ITPKB: variants seen among roughly 807,000 people sequenced by gnomAD.
ITPKB encodes inositol-trisphosphate 3-kinase B.
Under a neutral mutation model 69.4 loss-of-function variants are expected in ITPKB, and 13 were observed. That is an observed-to-expected ratio of 0.19 (90% CI 0.12 to 0.30). ITPKB has a LOEUF of 0.30. Ranked by LOEUF, ITPKB falls within the 10% of genes least tolerant of loss-of-function variation. ITPKB has a pLI of 1.00. For missense variants in ITPKB, 1,240 were observed against 1,250.5 expected (o/e 0.99, Z 0.13); for synonymous variants, 584 against 513.7 (o/e 1.14, Z -1.85).
At chr1:226,713,195 C>T (rs188227263) in intron 2 of ITPKB, among the ~76,000 whole-genome samples, 21 of 152,274 alleles carry the variant, frequency 1.4e-4, no homozygotes, top group Admixed American at 2.0e-4. Flanking sequence ...TCGACCTCTT[C>T]GCATTTCTAG....
Position 226,641,821 on chromosome 1 carries a change from C to A in ITPKB, c.2451+100G>T. On this transcript the variant is annotated intron_variant, in intron 5 of 7. Coordinates refer to ENST00000429204, the MANE Select transcript of ITPKB (RefSeq NM_002221.4). This position sits in a 1 kb window ranked among gnomAD's most constrained non-coding sequence, Gnocchi z 4.6. ...GGGCCACCCACATTCTGAGCCTGTG[C>A]CTGGAGAAGCTTACAGCTTCCAAAG... is the stretch of plus-strand genomic sequence containing the variant. The A allele has an allele frequency of 1.8e-6, 2 of 1,107,214 alleles. No individual in the cohort carries two copies. The highest frequency in any genetic ancestry group is 2.6e-6 in the Non-Finnish European group (2 of 764,094). The allele number at this position is 1,107,214 out of a possible 1,614,324, so 68.6% of individuals were successfully genotyped here.
intron 2 of ITPKB, among the ~76,000 whole-genome samples, chr1:226,676,833 T>C (rs1669743356): frequency 6.6e-6 from 1 of 152,238 alleles, no homozygotes; most frequent in South Asian, 2.1e-4. Flanking sequence ...CTGAATTGGG[T>C]AGTAGGCTTT....
intron 2 of ITPKB, among the ~76,000 whole-genome samples, chr1:226,670,175 C>CAAAAAAAAAAAAAA (rs35767912): frequency 3.1e-5 from 1 of 32,006 alleles, no homozygotes; most frequent in East Asian, 7.9e-4. Context: ...AGCTCCGCCG[C>CAAAAAAAAAAAAAA]AAAAAAAAAA....
chr1:226,692,181 T>G (rs1442170586), intron 2 of ITPKB, among the ~76,000 whole-genome samples: 2 of 151,812 alleles, frequency 1.3e-5, no homozygotes, highest in African/African-American at 4.8e-5. Flanking sequence ...AGGATTCAAC[T>G]CTAAGTCATC....
chr1:226,661,835 C>G (rs951795953), intron 2 of ITPKB, among the ~76,000 whole-genome samples: 2 of 152,156 alleles, frequency 1.3e-5, no homozygotes, highest in South Asian at 4.1e-4. Flanking sequence ...TCTGTATGAG[C>G]CCAGCAGATG....
chr1:226,655,331 T>C (rs1669268691), intron 2 of ITPKB, among the ~76,000 whole-genome samples: 1 of 152,228 alleles, frequency 6.6e-6, no homozygotes, highest in Non-Finnish European at 1.5e-5. Context: ...TCTCATGCCC[T>C]GTGACTGCTC....
chr1:226,718,925 C>T (rs1304101371), intron 2 of ITPKB, among the ~76,000 whole-genome samples: 2 of 152,224 alleles, frequency 1.3e-5, no homozygotes, highest in African/African-American at 4.8e-5. Context: ...CGAATGTTCA[C>T]AGCTGCTTTA....
chr1:226,707,452 C>G (rs530193586), intron 2 of ITPKB: 1 of 823,090 alleles, frequency 1.2e-6, no homozygotes, highest in East Asian at 1.2e-4. Flanking sequence ...CCGCCTTGGC[C>G]TCCTAAAGTG....
At chr1:226,675,540 T>C (rs1669715363) in intron 2 of ITPKB, among the ~76,000 whole-genome samples, 2 of 152,094 alleles carry the variant, frequency 1.3e-5, no homozygotes, top group South Asian at 4.1e-4. Context: ...AATGGCAGGA[T>C]GACATATTGG....
In ITPKB at chr1:226,735,928, C is replaced by G; in HGVS notation, c.1531G>C (p.Gly511Arg). Residue 511 changes from glycine to arginine, a missense_variant, in exon 2 of 8, where the codon GGC becomes CGC. This residue lies in a region of ITPKB where 992 missense variants were observed against 853.8 expected (regional missense o/e 1.16). Transcript: ENST00000429204. ...GCCAAACCGGCTTTCTCCATGGTGC[C>G]CTGCCAAACCCTGGAGTTCCCAGGC... ...VQPGNSRVWQ[G>R]TMEKAGLAWT... is the part of the protein sequence containing the mutation. The G allele has an allele frequency of 6.2e-7, 1 of 1,614,026 alleles. No homozygotes were observed. The highest frequency in any genetic ancestry group is 1.3e-5 in the African/African-American group (1 of 75,044).
intron 2 of ITPKB, among the ~76,000 whole-genome samples, chr1:226,688,514 T>C (rs769393267): frequency 1.1e-4 from 16 of 152,162 alleles, no homozygotes; most frequent in Non-Finnish European, 2.1e-4. Context: ...AGGTCTTCCA[T>C]CTGCAAAGCA....
intron 2 of ITPKB, among the ~76,000 whole-genome samples, chr1:226,667,345 G>C (rs1669521919): frequency 6.6e-6 from 1 of 152,206 alleles, no homozygotes; most frequent in African/African-American, 2.4e-5. Context: ...ACCCCGCCAA[G>C]ACCCAAGAGT....
chr1:226,634,780 TGCAGGGTCTGGCCCTCAG>T lies in ITPKB; in HGVS notation c.2714_2731del (p.Pro905_Leu910del). On this transcript the variant is annotated inframe_deletion, in exon 8 of 8. Coordinates refer to ENST00000429204, the MANE Select transcript of ITPKB (RefSeq NM_002221.4). This position sits in a 1 kb window ranked among gnomAD's most constrained non-coding sequence, Gnocchi z 6.3. ...CCCCTCCTGCCAGGGGACGTCATGC[TGCAGGGTCTGGCCCTCAG>T]GCAGGGGCGTGGTTTTCCCAAAGTC... 1 of 1,547,616 alleles carries T rather than the reference TGCAGGGTCTGGCCCTCAG, an allele frequency of 6.5e-7. No individual in the cohort carries two copies. Among genetic ancestry groups the T allele is most frequent in the Non-Finnish European group, 8.9e-7 (1 of 1,119,306 alleles).
chr1:226,665,942 A>G (rs1669495359), intron 2 of ITPKB, among the ~76,000 whole-genome samples: 2 of 152,178 alleles, frequency 1.3e-5, no homozygotes, highest in Non-Finnish European at 2.9e-5. Context: ...TGCTAGGAGT[A>G]AATCACAGGG....
chr1:226,733,501 A>G (rs1478252389), intron 2 of ITPKB, among the ~76,000 whole-genome samples: 1 of 152,132 alleles, frequency 6.6e-6, no homozygotes, highest in Non-Finnish European at 1.5e-5. Context: ...TTATCGTGCA[A>G]GCACTCAACC....
At chr1:226,716,473 T>C (rs1657099729) in intron 2 of ITPKB, among the ~76,000 whole-genome samples, 1 of 152,214 alleles carries the variant, frequency 6.6e-6, no homozygotes, top group South Asian at 2.1e-4. Flanking sequence ...GTTACATAGG[T>C]AAACAAGTGC....
chr1:226,638,431 T>C (rs181782285), intron 6 of ITPKB, among the ~76,000 whole-genome samples: 213 of 152,326 alleles, frequency 1.4e-3, no homozygotes, highest in Middle Eastern at 3.4e-3. Context: ...AACGGCTGCC[T>C]GGTCCGCCCC....
chr1:226,649,509 ATGTGCATGTGTGTGATG>A (rs1172607150), intron 2 of ITPKB, among the ~76,000 whole-genome samples: 2 of 144,354 alleles, frequency 1.4e-5, no homozygotes, highest in African/African-American at 2.6e-5. Context: ...CATGCGTGAT[ATGTGCATGTGTGTGATG>A]TGTGCATGTG....
Position 226,735,689 on chromosome 1 carries a change from C to T in ITPKB, c.1770G>A (p.Arg590=), listed in dbSNP as rs1657725808. The stretch of plus-strand genomic sequence containing the variant: ...ACAGTTTCCTCAGGGGCAGGTTGCC[C>T]CGAGGGCTTCCCTGCGTCTCCTCCA... ...GALEETQGSP[R]GNLPLRKLSS... Residue 590 remains arginine, a synonymous_variant, in exon 2 of 8, where the codon CGG becomes CGA. Transcript: ENST00000429204. The T allele has an allele frequency of 1.2e-6, 2 of 1,601,018 alleles. No individual in the cohort carries two copies. Among genetic ancestry groups the T allele is most frequent in the Non-Finnish European group, 1.7e-6 (2 of 1,172,928 alleles).
Sources: gnomAD v4.1 joint callset for allele counts (sites outside exome capture counted in the v4.1 genomes callset) on GRCh38, gnomAD v4.1.1 for gene constraint, gnomAD v4.1.1 regional missense constraint, Gnocchi (gnomAD v3.1) non-coding constraint, MANE v1.5 for transcripts, NCBI Gene and HGNC (gene_info 2026-07-23, HGNC 2026-07-21) for gene names.